The following CCSER1 variants were observed in gnomAD, a reference collection of about 807,000 sequenced individuals.
CCSER1 encodes the protein coiled-coil serine rich protein 1, also known as serine-rich coiled-coil domain-containing protein 1.
In CCSER1, 41 loss-of-function variants were observed where a neutral mutation model predicts 82.0. That is an observed-to-expected ratio of 0.50 (90% confidence interval 0.39 to 0.65). The LOEUF (loss-of-function observed/expected upper bound fraction) is 0.65. Ranked by LOEUF, CCSER1 falls within the 30% of genes least tolerant of loss-of-function variation. The pLI is 0.00. For synonymous variants in CCSER1, 414 were observed against 383.9 expected, an observed-to-expected ratio of 1.08 and a Z score of -0.92; for missense variants, 1,119 against 1,064.2, an observed-to-expected ratio of 1.05 and a Z score of -0.72.
intron 10 of CCSER1, among the ~76,000 whole-genome samples, chr4:91,456,353 G>T (rs1373264792): frequency 6.6e-6 from 1 of 152,002 alleles, no homozygotes; most frequent in African/African-American, 2.4e-5. Context: ...ATTTTGGAGG[G>T]ACTCAAATGC....
At chr4:91,572,483 A>G (rs895348038) in intron 10 of CCSER1, among the ~76,000 whole-genome samples, 1 of 152,134 alleles carries the variant, frequency 6.6e-6, no homozygotes, top group African/African-American at 2.4e-5. Context: ...AAACACTTCG[A>G]TGACCAAAGG....
chr4:90,745,615 T>C (rs1432049912), intron 7 of CCSER1, among the ~76,000 whole-genome samples: 1 of 152,020 alleles, frequency 6.6e-6, no homozygotes, highest in Non-Finnish European at 1.5e-5. Context: ...AGTGGTTGAT[T>C]GTTATATTAA....
At chr4:91,546,705 A>G (rs531008852) in intron 10 of CCSER1, among the ~76,000 whole-genome samples, 43 of 151,848 alleles carry the variant, frequency 2.8e-4, no homozygotes, top group African/African-American at 1.0e-3. Context: ...ATTGCTCTCT[A>G]TTGATTTCCT....
chr4:90,896,088 G>A (rs1723668065), intron 8 of CCSER1, among the ~76,000 whole-genome samples: 1 of 151,870 alleles, frequency 6.6e-6, no homozygotes, highest in African/African-American at 2.4e-5. Context: ...AGTTATTTAG[G>A]AAAAAGAATT....
chr4:91,591,010 C>G (rs775289937), intron 10 of CCSER1, among the ~76,000 whole-genome samples: 5 of 152,064 alleles, frequency 3.3e-5, no homozygotes, highest in Non-Finnish European at 7.4e-5. Context: ...TGGTTCTCAA[C>G]TGGGGGCAAT....
chr4:91,182,253 C>A (rs781422082), intron 10 of CCSER1, among the ~76,000 whole-genome samples: 10 of 152,150 alleles, frequency 6.6e-5, no homozygotes, highest in Non-Finnish European at 1.0e-4. Context: ...TTGATGGTAT[C>A]CAAATTGGCT....
intron 8 of CCSER1, among the ~76,000 whole-genome samples, chr4:90,903,709 G>A (rs1489577642): frequency 6.6e-6 from 1 of 151,778 alleles, no homozygotes; most frequent in Non-Finnish European, 1.5e-5. Flanking sequence ...GCATTGGCAG[G>A]TGCCTGTAAT....
intron 10 of CCSER1, among the ~76,000 whole-genome samples, chr4:91,280,776 C>G (rs998574132): frequency 6.6e-6 from 1 of 152,132 alleles, no homozygotes; most frequent in Non-Finnish European, 1.5e-5. Context: ...GCCAATGGCT[C>G]ACACTTGGGC....
chr4:90,179,641 C>G (rs1452675917), intron 1 of CCSER1, among the ~76,000 whole-genome samples: 4 of 152,184 alleles, frequency 2.6e-5, no homozygotes, highest in Non-Finnish European at 5.9e-5. Flanking sequence ...ATTTGGCCTC[C>G]CAAAGCCTTG....
chr4:90,268,992 G>A (rs1021037045), intron 1 of CCSER1, among the ~76,000 whole-genome samples: 1 of 152,058 alleles, frequency 6.6e-6, no homozygotes. Flanking sequence ...TTCAGCAAGA[G>A]GATATAACAA....
chr4:91,127,578 C>T (rs1310640076), intron 10 of CCSER1, among the ~76,000 whole-genome samples: 1 of 152,012 alleles, frequency 6.6e-6, no homozygotes, highest in Non-Finnish European at 1.5e-5. Context: ...ATTTTTACTA[C>T]CTTTTATGCT....
At chr4:90,171,733 T>C (rs565270851) in intron 1 of CCSER1, among the ~76,000 whole-genome samples, 33 of 151,912 alleles carry the variant, frequency 2.2e-4, no homozygotes, top group East Asian at 3.9e-4. Flanking sequence ...GCGGTAAACA[T>C]TGGAATTGTA....
At chr4:90,343,102 C>A (rs529049958) in intron 3 of CCSER1, among the ~76,000 whole-genome samples, 4 of 152,168 alleles carry the variant, frequency 2.6e-5, no homozygotes, top group South Asian at 4.1e-4. Context: ...ATCTGTATGA[C>A]TTGCAGGCAT....
At chr4:90,551,743 C>A (rs1284884840) in intron 5 of CCSER1, among the ~76,000 whole-genome samples, 3 of 112,270 alleles carry the variant, frequency 2.7e-5, no homozygotes, top group African/African-American at 7.4e-5. Flanking sequence ...TACCTGTATT[C>A]TTGTCTCTTA....
At chr4:90,766,526 C>G (rs1286589395) in intron 7 of CCSER1, among the ~76,000 whole-genome samples, 1 of 152,092 alleles carries the variant, frequency 6.6e-6, no homozygotes, top group African/African-American at 2.4e-5. Context: ...GACCTATAGT[C>G]TCAACTACTC....
intron 8 of CCSER1, among the ~76,000 whole-genome samples, chr4:90,912,377 A>G (rs1159736889): frequency 6.6e-6 from 1 of 152,220 alleles, no homozygotes; most frequent in Non-Finnish European, 1.5e-5. Flanking sequence ...CAAGGCAAAC[A>G]GGGTCTGGAG....
At chr4:90,361,254 TAGC>T (rs1223356430) in intron 3 of CCSER1, among the ~76,000 whole-genome samples, 3 of 152,348 alleles carry the variant, frequency 2.0e-5, no homozygotes, top group Admixed American at 1.3e-4. Flanking sequence ...TTTCAGCAAA[TAGC>T]AGGTTCTCAA....
chr4:91,018,201 T>A (rs1739609796), intron 9 of CCSER1, among the ~76,000 whole-genome samples: 1 of 152,144 alleles, frequency 6.6e-6, no homozygotes, highest in African/African-American at 2.4e-5. Flanking sequence ...ACCACAAGCT[T>A]CAGACTTGCT....
intron 10 of CCSER1, among the ~76,000 whole-genome samples, chr4:91,134,903 T>A (rs774497430): frequency 3.4e-4 from 52 of 151,748 alleles, no homozygotes; most frequent in Non-Finnish European, 7.1e-4. Flanking sequence ...CTACTAAAAA[T>A]ACAAAAATTA....
Sources: gnomAD v4.1 joint callset for allele counts (sites outside exome capture counted in the v4.1 genomes callset) on GRCh38, gnomAD v4.1.1 for gene constraint, MANE v1.5 for transcripts, NCBI Gene and HGNC (gene_info 2026-07-23, HGNC 2026-07-21) for gene names.